The following PPT1 variants were observed in gnomAD, a reference collection of about 807,000 sequenced individuals.
PPT1 encodes ceroid-palmitoyl-palmitoyl-protein thioesterase 1.
In PPT1, 24 loss-of-function variants were observed where a neutral mutation model predicts 44.0. The observed-to-expected ratio is 0.54, with a 90% CI of 0.39 to 0.77. The LOEUF (loss-of-function observed/expected upper bound fraction) is 0.77, where lower values mean the gene tolerates loss of function less well. Ranked by LOEUF, PPT1 falls within the 30% of genes least tolerant of loss-of-function variation. The pLI is 0.00. For synonymous variants in PPT1, 148 were observed against 140.2 expected (o/e 1.06, Z -0.39); for missense variants, 341 against 378.8 (o/e 0.90, Z 0.83).
At position 40,078,617 on chromosome 1, in the gene PPT1, C is replaced by A. The variant is rs1468274668; in HGVS notation, c.669G>T (p.Lys223Asn). The A allele has an allele frequency of 6.2e-7, 1 of 1,614,018 alleles. No individual in the cohort carries two copies. The highest frequency in any genetic ancestry group is 1.7e-5 in the Admixed American group (1 of 60,018). ...ESYKKNLMAL[K>N]KFVMVKFLND... ...TGAGGAATTTCACCATCACAAACTT[C>A]TTCAGGGCCATCAGGTTTTTCTTGT... Residue 223 changes from lysine to asparagine, a missense_variant, in exon 7 of 9, where the codon AAG becomes AAT. Lys to Asn is a moderately conservative substitution (Grantham distance 94). Transcript: ENST00000642050.
chr1:40,092,207 G>A (rs1649603381), intron 2 of PPT1, 35 bp from the exon 3 acceptor site: 3 of 1,613,686 alleles, frequency 1.9e-6, no homozygotes, highest in East Asian at 2.2e-5. Flanking sequence ...GAGAGGATGG[G>A]ACTGAAAACA....
intron 8 of PPT1, among the ~76,000 whole-genome samples, chr1:40,074,889 G>A (rs1048429570): frequency 1.3e-5 from 2 of 152,182 alleles, no homozygotes; most frequent in Non-Finnish European, 1.5e-5. Context: ...AGCCATAGAC[G>A]ACACTGCCTC....
intron 5 of PPT1, among the ~76,000 whole-genome samples, chr1:40,083,485 TAAAAACAAACTCA>T (rs1458930377): frequency 1.3e-5 from 2 of 151,922 alleles, no homozygotes; most frequent in Admixed American, 6.6e-5. Flanking sequence ...AAAAAAAGTT[TAAAAACAAACTCA>T]AAAAACAAAC....
At position 40,090,348 on chromosome 1, in the gene PPT1, A is replaced by ATG. The variant is rs566610286; in HGVS notation, c.434-838_434-837dup. 4.2e-3 allele frequency among the ~76,000 whole-genome samples: 637 copies of ATG among 151,952 alleles called. 8 individuals carry two copies. The highest frequency in any genetic ancestry group is 0.018 in the South Asian group (89 of 4,814). On this transcript the variant is annotated intron_variant, in intron 4 of 8. Coordinates refer to ENST00000642050, the MANE Select transcript of PPT1 (RefSeq NM_000310.4). ...TCCATTTTATCGTGTATATATATAT[A>ATG]TGTGTGTGTGTATATATGTGTATAT... is the stretch of plus-strand genomic sequence containing the variant.
intron 1 of PPT1, chr1:40,096,758 G>C: frequency 6.7e-6 from 2 of 298,322 alleles, no homozygotes; most frequent in Non-Finnish European, 1.3e-5. Context: ...AATGTGTGAA[G>C]GAATAAATAA....
chr1:40,092,884 G>A (rs1649645889), intron 1 of PPT1, among the ~76,000 whole-genome samples: 1 of 152,168 alleles, frequency 6.6e-6, no homozygotes, highest in Non-Finnish European at 1.5e-5. Context: ...AACAAGTATT[G>A]TCAACGATGT....
At chr1:40,082,925 ACT>A (rs1649048040) in intron 5 of PPT1, among the ~76,000 whole-genome samples, 1 of 152,160 alleles carries the variant, frequency 6.6e-6, no homozygotes, top group African/African-American at 2.4e-5. Flanking sequence ...GGACAGGCTG[ACT>A]CTCTTGTGAG....
At chr1:40,094,390 T>C (rs1408856644) in intron 1 of PPT1, among the ~76,000 whole-genome samples, 1 of 152,044 alleles carries the variant, frequency 6.6e-6, no homozygotes, top group African/African-American at 2.4e-5. Context: ...TGACAGGAGG[T>C]AGAGCTCATG....
intron 5 of PPT1, among the ~76,000 whole-genome samples, chr1:40,089,159 T>C (rs1482274481): frequency 6.6e-6 from 1 of 151,908 alleles, no homozygotes; most frequent in Non-Finnish European, 1.5e-5. Context: ...TAGTGGCGCA[T>C]GCCTGTAATC....
At chr1:40,093,544 G>A (rs551847554) in intron 1 of PPT1, among the ~76,000 whole-genome samples, 1 of 152,228 alleles carries the variant, frequency 6.6e-6, no homozygotes, top group South Asian at 2.1e-4. Flanking sequence ...ACAGAAGAAA[G>A]AACATTTTTT....
chr1:40,090,305 C>G (rs1380956133), intron 4 of PPT1, among the ~76,000 whole-genome samples: 1 of 152,078 alleles, frequency 6.6e-6, no homozygotes, highest in Non-Finnish European at 1.5e-5. Flanking sequence ...GTGTACACCA[C>G]CATGTGCCCA....
At chr1:40,084,871 C>T (rs1285580641) in intron 5 of PPT1, among the ~76,000 whole-genome samples, 1 of 152,232 alleles carries the variant, frequency 6.6e-6, no homozygotes, top group African/African-American at 2.4e-5. Flanking sequence ...CCGGACAGGG[C>T]CACTAGAGGG....
chr1:40,077,920 T>C (rs1180802593), intron 7 of PPT1, among the ~76,000 whole-genome samples: 2 of 152,178 alleles, frequency 1.3e-5, no homozygotes, highest in East Asian at 3.8e-4. Context: ...AAGGCAGACC[T>C]TGGAGGCCAA....
At chr1:40,075,640 C>T (rs1041718333) in intron 8 of PPT1, among the ~76,000 whole-genome samples, 4 of 151,990 alleles carry the variant, frequency 2.6e-5, no homozygotes, top group African/African-American at 9.7e-5. Flanking sequence ...AGATGTAGTA[C>T]TTAGCATTTT....
intron 5 of PPT1, among the ~76,000 whole-genome samples, chr1:40,085,260 T>C (rs1419378061): frequency 6.6e-6 from 1 of 151,622 alleles, no homozygotes; most frequent in Non-Finnish European, 1.5e-5. Context: ...TAAGCTGTCT[T>C]TCTCTCTCTC....
At chr1:40,080,154 G>A (rs1024387500) in intron 6 of PPT1, among the ~76,000 whole-genome samples, 5 of 152,120 alleles carry the variant, frequency 3.3e-5, no homozygotes, top group East Asian at 1.9e-4. Flanking sequence ...GCAACCTGCC[G>A]AGCTTATCCT....
chr1:40,072,120 C>T (rs1267530610), downstream of PPT1: 6 of 400,026 alleles, frequency 1.5e-5, no homozygotes, highest in South Asian at 3.8e-4. Flanking sequence ...CTGCCTCAAC[C>T]GTGAGATAGG....
chr1:40,073,591 A>G lies in PPT1; in HGVS notation c.*470T>C, dbSNP rs979602950. 13 of 183,132 alleles carry G rather than the reference A, an allele frequency of 7.1e-5. No homozygotes were observed. The highest frequency in any genetic ancestry group is 1.5e-4 in the Non-Finnish European group (13 of 85,526). The allele number at this position is 183,132 out of a possible 1,614,324, so 11.3% of individuals were successfully genotyped here. A position where few individuals can be genotyped will look rare whatever the true frequency, so the allele number is the denominator to read the frequency against. On this transcript the variant is annotated 3_prime_UTR_variant, in exon 9 of 9. Transcript: ENST00000642050. ...GGCAGCCTTAAGAAATGATGCAGAAATAGCCAAGCAAGATTTTTCCAAGCA... is the reference window on the plus strand; with the variant it reads ...GGCAGCCTTAAGAAATGATGCAGAAGTAGCCAAGCAAGATTTTTCCAAGCA...
At chr1:40,085,048 C>T (rs1445941638) in intron 5 of PPT1, among the ~76,000 whole-genome samples, 1 of 152,146 alleles carries the variant, frequency 6.6e-6, no homozygotes, top group Non-Finnish European at 1.5e-5. Context: ...TACTCCTCCA[C>T]CTCTTGTGGA....
Sources: allele counts gnomAD v4.1 joint callset (sites outside exome capture counted in the v4.1 genomes callset), GRCh38; gene constraint gnomAD v4.1.1; transcripts MANE v1.5; gene names NCBI Gene and HGNC (gene_info 2026-07-23, HGNC 2026-07-21).